TSGA10: variants seen among roughly 807,000 people sequenced by gnomAD.
TSGA10 encodes testis specific 10, also known as testis-specific gene 10 protein.
In TSGA10, 43 loss-of-function variants were observed where a neutral mutation model predicts 96.6. The ratio of observed to expected loss-of-function variants is 0.44; its 90% confidence interval spans 0.35 to 0.57. The LOEUF (loss-of-function observed/expected upper bound fraction) is 0.57, where lower values mean the gene tolerates loss of function less well. Among genes scored for constraint, TSGA10 ranks in the 20% least tolerant of loss-of-function variants. The probability of loss-of-function intolerance (pLI) is 0.01; values close to 1 mark genes in which losing one functional copy is unlikely to be tolerated. For synonymous variants in TSGA10, 229 were observed against 269.9 expected (o/e 0.85, Z 1.48); for missense variants, 703 against 834.4 (o/e 0.84, Z 1.94).
chr2:99,098,630 G>C (rs2090363303), intron 10 of TSGA10, among the ~76,000 whole-genome samples: 1 of 151,200 alleles, frequency 6.6e-6, no homozygotes, highest in South Asian at 2.1e-4. Flanking sequence ...CAAAACCAAA[G>C]CAAAATGTTG....
intron 10 of TSGA10, among the ~76,000 whole-genome samples, chr2:99,099,865 T>A (rs1324233642): frequency 6.6e-6 from 1 of 152,200 alleles, no homozygotes; most frequent in Non-Finnish European, 1.5e-5. Context: ...GCAGGACTGT[T>A]GGATACCACA....
chr2:99,093,857 C>G (rs957478352), intron 10 of TSGA10, among the ~76,000 whole-genome samples: 1 of 152,050 alleles, frequency 6.6e-6, no homozygotes, highest in Admixed American at 6.6e-5. Flanking sequence ...AATGCAATTC[C>G]CATCAAAATA....
intron 1 of TSGA10, among the ~76,000 whole-genome samples, chr2:99,136,519 C>T (rs113206416): frequency 1.0e-5 from 1 of 99,076 alleles, no homozygotes; most frequent in African/African-American, 3.0e-5. Flanking sequence ...GTATTTCTGC[C>T]GGGCGCGGTG....
chr2:99,102,659 T>C (rs766704024), intron 10 of TSGA10: 9 of 1,613,872 alleles, frequency 5.6e-6, no homozygotes, highest in Admixed American at 3.3e-5. Context: ...ACAAATTCTA[T>C]GGTGTAAAGT....
chr2:99,031,365 C>T (rs1056842060), intron 17 of TSGA10, among the ~76,000 whole-genome samples: 6 of 146,872 alleles, frequency 4.1e-5, no homozygotes, highest in Non-Finnish European at 6.0e-5. Context: ...AAATGGGTCA[C>T]GGAATTAAAT....
rs143754474 is a variant in TSGA10, at chr2:99,126,784, C to T, written c.-492+264G>A. The T allele has an allele frequency of 6.4e-4, 116 of 181,170 alleles. 1 individual carries two copies. Among genetic ancestry groups the T allele is most frequent in the Middle Eastern group, 2.7e-3 (1 of 372 alleles). The allele number at this position is 181,170 out of a possible 1,614,324, so 11.2% of individuals were successfully genotyped here. On this transcript the variant is annotated intron_variant, in intron 2 of 20. Transcript: ENST00000393483. Reference sequence around the variant, plus strand: ...CAGCTTCCACATCTATAAATGGAAACGGCATCACTTTTTCGCAAGTTGGGG... The same window carrying T: ...CAGCTTCCACATCTATAAATGGAAATGGCATCACTTTTTCGCAAGTTGGGG...
At chr2:99,137,675 G>C (rs988450718) in intron 1 of TSGA10, among the ~76,000 whole-genome samples, 7 of 152,240 alleles carry the variant, frequency 4.6e-5, no homozygotes, top group African/African-American at 1.7e-4. Flanking sequence ...AGTGGAAGCG[G>C]AAAGATAGCA....
At chr2:99,149,638 T>G (rs1264165149) in intron 1 of TSGA10, among the ~76,000 whole-genome samples, 1 of 151,370 alleles carries the variant, frequency 6.6e-6, no homozygotes, top group Non-Finnish European at 1.5e-5. Flanking sequence ...CAGATGGGGT[T>G]TCACCATATT....
intron 16 of TSGA10, among the ~76,000 whole-genome samples, chr2:99,057,169 G>A (rs1005618469): frequency 2.6e-5 from 4 of 152,058 alleles, no homozygotes; most frequent in African/African-American, 9.7e-5. Context: ...AACAAGATAA[G>A]GATGCCCCTT....
chr2:99,070,101 A>C (rs1274160755), intron 14 of TSGA10, among the ~76,000 whole-genome samples: 1 of 152,156 alleles, frequency 6.6e-6, no homozygotes, highest in African/African-American at 2.4e-5. Flanking sequence ...ACTACTTTTG[A>C]GCATATGTAA....
rs1336418322 is a variant in TSGA10, at chr2:99,020,472, T to G, written c.1625A>C (p.Glu542Ala). ...AATTTCAGAATGAGCAGAATCTAAC[T>G]CATTCTCCCTCTGTTCAATAACAAG... ...KDQEIEMREN[E>A]LDSAHSEIEL... The change falls in exon 18 of 21, where the codon GAG becomes GCG. Residue 542 changes from glutamate to alanine, a missense_variant. Around this residue, in one of 3 missense-constraint regions of TSGA10, gnomAD observed 585 missense variants for 656.8 expected, o/e 0.89. Coordinates refer to ENST00000393483, the MANE Select transcript of TSGA10 (RefSeq NM_025244.4). 1 of 1,609,028 alleles carries G rather than the reference T, an allele frequency of 6.2e-7. No individual in the cohort carries two copies. Among genetic ancestry groups the G allele is most frequent in the African/African-American group, 1.3e-5 (1 of 74,976 alleles).
intron 17 of TSGA10, among the ~76,000 whole-genome samples, chr2:99,021,531 A>C (rs974545963): frequency 1.3e-5 from 2 of 152,338 alleles, no homozygotes; most frequent in East Asian, 1.9e-4. Context: ...CCTTACTAGT[A>C]ATCAAATAAA....
Position 99,065,074 on chromosome 2 carries a change from A to G in TSGA10, c.1269T>C (p.Asp423=). Residue 423 remains aspartate, a synonymous_variant, in exon 16 of 21, where the codon GAT becomes GAC. Transcript: ENST00000393483. ...MMEQLRKANE[D]AENWENKARQ... ...GGGCTTTATTTTCCCAGTTTTCAGC[A>G]TCTTCATTGGCTTTTCGAAGTTGTT... 1 of 1,613,736 alleles carries G rather than the reference A, an allele frequency of 6.2e-7. No individual in the cohort carries two copies.
At chr2:99,065,504 G>A (rs146139539) in intron 15 of TSGA10, among the ~76,000 whole-genome samples, 22 of 152,204 alleles carry the variant, frequency 1.4e-4, no homozygotes, top group African/African-American at 4.6e-4. Flanking sequence ...CTGACCTTTC[G>A]TACTGGTGTA....
chr2:99,115,828 G>A (rs530559417), intron 4 of TSGA10, among the ~76,000 whole-genome samples: 35 of 152,180 alleles, frequency 2.3e-4, no homozygotes, highest in Admixed American at 9.8e-4. Context: ...GCAGTGAGCC[G>A]AGATCGCGCC....
At chr2:99,095,863 T>A (rs371732631) in intron 10 of TSGA10, among the ~76,000 whole-genome samples, 9 of 152,142 alleles carry the variant, frequency 5.9e-5, no homozygotes, top group African/African-American at 1.9e-4. Context: ...CTGGTCTCAA[T>A]CTCCTGACCT....
chr2:99,152,776 G>A (rs1015409097), intron 1 of TSGA10, among the ~76,000 whole-genome samples: 6 of 152,124 alleles, frequency 3.9e-5, no homozygotes, highest in Admixed American at 6.5e-5. Context: ...GTTTGGAAGC[G>A]GAAAGTGAGG....
chr2:99,018,237 G>C lies in TSGA10; in HGVS notation c.2035C>G (p.Arg679Gly), dbSNP rs749628532. 2 of 1,613,802 alleles carry C rather than the reference G, an allele frequency of 1.2e-6. No individual in the cohort carries two copies. Among genetic ancestry groups the C allele is most frequent in the African/African-American group, 2.7e-5 (2 of 74,834 alleles). Residue 679 changes from arginine to glycine, a missense_variant, in exon 20 of 21, where the codon CGA (arginine) becomes GGA (glycine). Physicochemically the swap from Arg to Gly is moderately radical, Grantham distance 125. Around this residue, in one of 3 missense-constraint regions of TSGA10, gnomAD observed 69 missense variants for 81.3 expected, o/e 0.85. Coordinates refer to ENST00000393483, the MANE Select transcript of TSGA10 (RefSeq NM_025244.4). ...CGATCTAGGCCTCGGTCAGGAGATC[G>C]ATGGTGAGCACGTTCTGGTGAATGA... ...KCHSPERAHH[R>G]SPDRGLDRSL...
At chr2:99,075,586 T>G (rs1374760038) in intron 12 of TSGA10, among the ~76,000 whole-genome samples, 1 of 152,186 alleles carries the variant, frequency 6.6e-6, no homozygotes, top group Non-Finnish European at 1.5e-5. Flanking sequence ...TGAGTAGCCT[T>G]TGTTAGTTCA....
Sources: gnomAD v4.1 joint callset for allele counts (sites outside exome capture counted in the v4.1 genomes callset) on GRCh38, gnomAD v4.1.1 for gene constraint, gnomAD v4.1.1 regional missense constraint, MANE v1.5 for transcripts, NCBI Gene and HGNC (gene_info 2026-07-23, HGNC 2026-07-21) for gene names.